The following RELL1 variants were observed in gnomAD, a reference collection of about 807,000 sequenced individuals.
RELL1 encodes RELT like 1.
A neutral mutation model predicts 23.0 loss-of-function variants in RELL1; 10 were observed. That is an observed-to-expected ratio of 0.43 (90% CI 0.27 to 0.74). The LOEUF is 0.74. Among genes scored for constraint, RELL1 ranks in the 30% least tolerant of loss-of-function variants. The pLI, the probability that RELL1 is intolerant of heterozygous loss-of-function variation, is 0.19. For missense variants in RELL1, 315 were observed against 364.4 expected (o/e 0.86, Z 1.10); for synonymous variants, 146 against 146.8 (o/e 0.99, Z 0.04).
chr4:37,622,930 G>A (rs978489904), intron 6 of RELL1: 6 of 414,974 alleles, frequency 1.4e-5, no homozygotes, highest in East Asian at 1.4e-4. Context: ...TCAGCCTCCC[G>A]AGTAGCTGGG....
intron 1 of RELL1, among the ~76,000 whole-genome samples, chr4:37,670,642 C>G (rs113892394): frequency 6.6e-6 from 1 of 150,968 alleles, no homozygotes; most frequent in African/African-American, 2.4e-5. Flanking sequence ...GTGATCTCTG[C>G]TCACTGCAAC....
In RELL1 at chr4:37,612,615, G is replaced by C. The variant is rs1015198692; in HGVS notation, c.*731C>G. Among the ~76,000 whole-genome samples the C allele has an allele frequency of 1.3e-5, 2 of 149,078 alleles. No individual in the cohort carries two copies. The highest frequency in any genetic ancestry group is 1.3e-4 in the Admixed American group (2 of 15,014). On this transcript the variant is annotated 3_prime_UTR_variant, in exon 7 of 7. Transcript: ENST00000454158. ...TTGTGCCACTGCACTCCAGCCTAGGGGACACAGCGAGACTCTGCCTCAAAA... is the reference window on the plus strand; with the variant it reads ...TTGTGCCACTGCACTCCAGCCTAGGCGACACAGCGAGACTCTGCCTCAAAA...
At chr4:37,641,002 T>C (rs1188615146) in intron 3 of RELL1, among the ~76,000 whole-genome samples, 3 of 151,974 alleles carry the variant, frequency 2.0e-5, no homozygotes, top group African/African-American at 4.8e-5. Flanking sequence ...CTGAGAAAAA[T>C]CAATCACCTG....
At chr4:37,624,229 C>T (rs1719863384) in intron 6 of RELL1, among the ~76,000 whole-genome samples, 2 of 152,120 alleles carry the variant, frequency 1.3e-5, no homozygotes, top group African/African-American at 2.4e-5. Context: ...AAAGAGGAGA[C>T]TTTTATTCCA....
At chr4:37,645,482 A>T (rs1187361479) in intron 3 of RELL1, among the ~76,000 whole-genome samples, 1 of 152,230 alleles carries the variant, frequency 6.6e-6, no homozygotes, top group Non-Finnish European at 1.5e-5. Flanking sequence ...TCTCTGGAAG[A>T]CAGAGATCAA....
chr4:37,606,049 A>G (rs996075844), downstream of RELL1, among the ~76,000 whole-genome samples: 13 of 149,126 alleles, frequency 8.7e-5, no homozygotes, highest in African/African-American at 3.2e-4. This position sits in a 1 kb window ranked among gnomAD's most constrained non-coding sequence, Gnocchi z 4.1. Flanking sequence ...AAAGAAAAAG[A>G]AGAAAGGGAA....
intron 1 of RELL1, among the ~76,000 whole-genome samples, chr4:37,667,995 C>A (rs1577603014): frequency 6.6e-6 from 1 of 151,398 alleles, no homozygotes; most frequent in South Asian, 2.1e-4. Flanking sequence ...ACATACAAAG[C>A]AGTATTTAGA....
chr4:37,596,736 A>ATATT (rs1365185216), intron 6 of RELL1, among the ~76,000 whole-genome samples: 1 of 16,498 alleles, frequency 6.1e-5, no homozygotes, highest in Non-Finnish European at 1.5e-4. Flanking sequence ...ATATATATAT[A>ATATT]TTTTTTTTTT....
intron 1 of RELL1, among the ~76,000 whole-genome samples, chr4:37,658,069 G>A (rs576596600): frequency 6.6e-6 from 1 of 152,286 alleles, no homozygotes; most frequent in South Asian, 2.1e-4. Context: ...CAGCCAGGGA[G>A]GAAGCAATGA....
chr4:37,661,415 G>A (rs569796697), intron 1 of RELL1, among the ~76,000 whole-genome samples: 1 of 152,214 alleles, frequency 6.6e-6, no homozygotes, highest in African/African-American at 2.4e-5. Context: ...GAGTATCTGG[G>A]ATTACAGGCG....
At chr4:37,668,933 T>G (rs1721653898) in intron 1 of RELL1, among the ~76,000 whole-genome samples, 1 of 151,040 alleles carries the variant, frequency 6.6e-6, no homozygotes, top group Non-Finnish European at 1.5e-5. Flanking sequence ...GGAGACCCTC[T>G]GCCTGGCAAC....
chr4:37,590,656 C>T, downstream of RELL1: 1 of 1,614,120 alleles, frequency 6.2e-7, no homozygotes, highest in East Asian at 2.2e-5. Context: ...CAACGTTGAT[C>T]ATAATGAAAA....
At chr4:37,632,091 A>AC (rs1204850728) in intron 5 of RELL1, among the ~76,000 whole-genome samples, 1 of 149,890 alleles carries the variant, frequency 6.7e-6, no homozygotes, top group African/African-American at 2.5e-5. Flanking sequence ...AAGGAAAAAA[A>AC]AAAAAAAAAA....
At chr4:37,605,847 G>A (rs1339206507), downstream of RELL1, among the ~76,000 whole-genome samples, 1 of 103,272 alleles carries the variant, frequency 9.7e-6, no homozygotes, top group African/African-American at 3.1e-5. Flanking sequence ...AAGAAAGAAG[G>A]AAAAGAAAAG....
intron 6 of RELL1, among the ~76,000 whole-genome samples, chr4:37,628,052 G>GA (rs1011499772): frequency 5.7e-4 from 86 of 151,830 alleles, no homozygotes; most frequent in African/African-American, 2.0e-3. Flanking sequence ...GATTTGAAAA[G>GA]AAAAAAAACT....
chr4:37,616,489 C>A (rs969532269), intron 6 of RELL1, among the ~76,000 whole-genome samples: 3 of 152,154 alleles, frequency 2.0e-5, no homozygotes, highest in South Asian at 2.1e-4. Flanking sequence ...CTGCCAGGGT[C>A]TCTCTCAGGG....
intron 1 of RELL1, among the ~76,000 whole-genome samples, chr4:37,663,229 G>A (rs1343806631): frequency 1.3e-5 from 2 of 152,194 alleles, no homozygotes; most frequent in Middle Eastern, 3.4e-3. Context: ...TATTTTTGGT[G>A]CTGTCCATTT....
downstream of RELL1, chr4:37,588,937 T>C (rs774602845): frequency 1.9e-6 from 3 of 1,540,342 alleles, no homozygotes; most frequent in South Asian, 1.1e-5. Context: ...ATGGAGGAAT[T>C]TGTGATGAGC....
rs1015985695 is a variant in RELL1, at chr4:37,635,096, G to A, written c.471C>T (p.Ser157=). 6.2e-6 allele frequency: 10 copies of A among 1,614,066 alleles called. No homozygotes were observed. Among genetic ancestry groups the A allele is most frequent in the Non-Finnish European group, 8.5e-6 (10 of 1,180,040 alleles). ...ESPVTPSTPG[S]PPVSPGPLSP... ...ACAAAGGCCCAGGACTCACTGGCGG[G>A]CTCCCTGGTGTGCTGGGGGTCACGG... Residue 157 remains serine (S), a synonymous_variant, in exon 5 of 7, where the codon AGC becomes AGT. Coordinates refer to ENST00000454158, the MANE Select transcript of RELL1 (RefSeq NM_001085400.2).
Sources: gnomAD v4.1 joint callset for allele counts (sites outside exome capture counted in the v4.1 genomes callset) on GRCh38, gnomAD v4.1.1 for gene constraint, Gnocchi (gnomAD v3.1) non-coding constraint, MANE v1.5 for transcripts, NCBI Gene and HGNC (gene_info 2026-07-23, HGNC 2026-07-21) for gene names.